The following PDE4B variants were observed in gnomAD, a reference collection of about 807,000 sequenced individuals.
PDE4B encodes the protein 3',5'-cyclic-AMP phosphodiesterase 4B.
Under a neutral mutation model 82.2 loss-of-function variants are expected in PDE4B, and 20 were observed. The ratio of observed to expected loss-of-function variants is 0.24; its 90% CI spans 0.17 to 0.35. PDE4B has a LOEUF of 0.35. Among genes scored for constraint, PDE4B ranks in the 10% least tolerant of loss-of-function variants. The pLI is 1.00. For missense variants in PDE4B, 655 were observed against 907.2 expected (o/e 0.72, Z 3.57); for synonymous variants, 320 against 318.9 (o/e 1.00, Z -0.04).
intron 1 of PDE4B, among the ~76,000 whole-genome samples, chr1:65,808,639 A>C (rs1416940893): frequency 2.6e-5 from 4 of 152,182 alleles, no homozygotes; most frequent in Admixed American, 6.5e-5. Flanking sequence ...GGGGATCTTT[A>C]TCTTAATGGC....
intron 3 of PDE4B, among the ~76,000 whole-genome samples, chr1:66,023,373 A>G (rs1395173715): frequency 2.0e-5 from 3 of 152,190 alleles, no homozygotes; most frequent in African/African-American, 4.8e-5. Context: ...TCAGTTCACA[A>G]TGTTGGCACA....
intron 3 of PDE4B, among the ~76,000 whole-genome samples, chr1:66,020,483 A>G (rs1436631066): frequency 6.8e-6 from 1 of 146,144 alleles, no homozygotes; most frequent in Non-Finnish European, 1.5e-5. Flanking sequence ...CCCCATGGAC[A>G]GGCCCTGGTG....
chr1:66,186,239 C>T (rs570224331), intron 3 of PDE4B, among the ~76,000 whole-genome samples: 178 of 152,236 alleles, frequency 1.2e-3, no homozygotes, highest in Non-Finnish European at 1.9e-3. Flanking sequence ...TTACTGTAGC[C>T]TCATTGTATA....
intron 8 of PDE4B, among the ~76,000 whole-genome samples, chr1:66,338,890 G>A (rs1358614309): frequency 4.0e-5 from 6 of 151,142 alleles, no homozygotes; most frequent in African/African-American, 1.5e-4. Flanking sequence ...GTAGTGGCGG[G>A]CGCCTGTAGT....
At chr1:66,200,730 C>T (rs1254950964) in intron 3 of PDE4B, among the ~76,000 whole-genome samples, 6 of 152,160 alleles carry the variant, frequency 3.9e-5, no homozygotes, top group Admixed American at 3.9e-4. Context: ...TGCTTATCAG[C>T]TTAAGGAGAT....
intron 3 of PDE4B, among the ~76,000 whole-genome samples, chr1:66,079,302 A>G (rs1170237045): frequency 6.6e-6 from 1 of 151,998 alleles, no homozygotes; most frequent in Non-Finnish European, 1.5e-5. Flanking sequence ...ATAACTATTT[A>G]TAGTTAAACT....
At chr1:66,010,754 C>T (rs61796569) in intron 3 of PDE4B, among the ~76,000 whole-genome samples, 30,730 of 148,060 alleles carry the variant, frequency 0.21, 3,912 homozygotes, top group East Asian at 0.38. Flanking sequence ...ATCATCCCCA[C>T]GAAGATTAAT....
chr1:65,888,596 T>C (rs775789468), intron 1 of PDE4B, among the ~76,000 whole-genome samples: 20 of 152,158 alleles, frequency 1.3e-4, no homozygotes, highest in Non-Finnish European at 2.6e-4. Context: ...TGTCTTTCCA[T>C]TTGTTTGTGT....
At position 65,805,258 on chromosome 1, in the gene PDE4B, C is replaced by T. The variant is rs750116913; in HGVS notation, c.-71+12010C>T. 6.6e-4 allele frequency among the ~76,000 whole-genome samples: 101 copies of T among 152,202 alleles called. 1 individual carries two copies. The highest frequency in any genetic ancestry group is 1.1e-3 in the Admixed American group (17 of 15,286). Reference sequence around the variant, plus strand: ...GGGATTACAGGCGTGAGCCACTGCTCCTGGCCAGGGGCATGTCTCTTTTCA... The same window carrying T: ...GGGATTACAGGCGTGAGCCACTGCTTCTGGCCAGGGGCATGTCTCTTTTCA... On this transcript the variant is annotated intron_variant, in intron 1 of 16. Transcript: ENST00000341517.
At chr1:65,898,211 A>G (rs919732422) in intron 1 of PDE4B, among the ~76,000 whole-genome samples, 4 of 151,622 alleles carry the variant, frequency 2.6e-5, no homozygotes, top group African/African-American at 9.7e-5. Context: ...GTTTGTTTCT[A>G]AAGATTCTGG....
At chr1:66,371,240 T>C (rs1309746442) in intron 16 of PDE4B, among the ~76,000 whole-genome samples, 2 of 150,458 alleles carry the variant, frequency 1.3e-5, no homozygotes, top group Admixed American at 1.3e-4. Context: ...AAGGAAAGTT[T>C]CCAGTAGTGT....
At chr1:66,135,979 A>G (rs1051922341) in intron 3 of PDE4B, among the ~76,000 whole-genome samples, 2 of 152,186 alleles carry the variant, frequency 1.3e-5, no homozygotes, top group Non-Finnish European at 2.9e-5. Flanking sequence ...TATTGGGTTG[A>G]TCTGGTTGTT....
At chr1:65,990,924 G>A (rs541497133) in intron 3 of PDE4B, among the ~76,000 whole-genome samples, 6 of 152,104 alleles carry the variant, frequency 3.9e-5, no homozygotes, top group South Asian at 2.1e-4. Flanking sequence ...GAGTAGTACC[G>A]TAAACCAGTA....
At chr1:66,239,313 C>G (rs189314459) in intron 3 of PDE4B, among the ~76,000 whole-genome samples, 1 of 152,122 alleles carries the variant, frequency 6.6e-6, no homozygotes, top group Admixed American at 6.6e-5. Context: ...AAGCCACCCC[C>G]CTCCCTGGCC....
chr1:66,228,374 T>C (rs1651630328), intron 3 of PDE4B, among the ~76,000 whole-genome samples: 1 of 152,084 alleles, frequency 6.6e-6, no homozygotes, highest in African/African-American at 2.4e-5. Flanking sequence ...TAAGAAATCA[T>C]GCAACTTTGG....
At chr1:66,308,361 A>G (rs1658431644) in intron 7 of PDE4B, among the ~76,000 whole-genome samples, 1 of 152,326 alleles carries the variant, frequency 6.6e-6, no homozygotes. Context: ...GAAGTATCAT[A>G]TGCAGAGAGA....
chr1:66,067,331 C>A (rs1476861998), intron 3 of PDE4B, among the ~76,000 whole-genome samples: 2 of 152,060 alleles, frequency 1.3e-5, no homozygotes, highest in Non-Finnish European at 2.9e-5. Context: ...CCTATTTCTC[C>A]ACATCCTCTC....
intron 3 of PDE4B, among the ~76,000 whole-genome samples, chr1:66,106,034 G>A (rs559470935): frequency 0.012 from 1,842 of 152,112 alleles, 42 homozygotes; most frequent in African/African-American, 0.043. Context: ...CAAAGGGAAT[G>A]CTTCCAGTTT....
chr1:66,229,952 C>T (rs545072748), intron 3 of PDE4B, among the ~76,000 whole-genome samples: 3 of 152,304 alleles, frequency 2.0e-5, no homozygotes, highest in Non-Finnish European at 2.9e-5. Context: ...GCCAAAGCCT[C>T]GTCCTGATCC....
Sources: gnomAD v4.1 joint callset for allele counts (sites outside exome capture counted in the v4.1 genomes callset) on GRCh38, gnomAD v4.1.1 for gene constraint, MANE v1.5 for transcripts, NCBI Gene and HGNC (gene_info 2026-07-23, HGNC 2026-07-21) for gene names.